The following GULP1 variants were observed in gnomAD, a reference collection of about 807,000 sequenced individuals.
GULP1 encodes GULP PTB domain containing engulfment adaptor 1.
Under a neutral mutation model 40.9 loss-of-function variants are expected in GULP1, and 19 were observed. That is an observed-to-expected ratio of 0.46 (90% CI 0.32 to 0.68). The LOEUF (loss-of-function observed/expected upper bound fraction) is 0.68, where lower values mean the gene tolerates loss of function less well. GULP1 is among the 30% of genes least tolerant of loss of function. GULP1 has a pLI of 0.03. For missense variants in GULP1, 312 were observed against 362.2 expected (o/e 0.86, Z 1.12); for synonymous variants, 119 against 117.6 (o/e 1.01, Z -0.08).
chr2:188,544,528 A>ATT (rs1234122231), intron 7 of GULP1, among the ~76,000 whole-genome samples: 1 of 151,486 alleles, frequency 6.6e-6, no homozygotes, highest in African/African-American at 2.4e-5. Context: ...CCTAAAACTT[A>ATT]AAGTATTATT....
intron 1 of GULP1, among the ~76,000 whole-genome samples, chr2:188,299,380 A>G (rs950820311): frequency 6.6e-5 from 10 of 152,168 alleles, no homozygotes; most frequent in African/African-American, 2.4e-4. Context: ...ATATACTAAC[A>G]TATTGGTTCT....
At chr2:188,473,155 T>TTC (rs147222438) in intron 2 of GULP1, among the ~76,000 whole-genome samples, 3,341 of 120,874 alleles carry the variant, frequency 0.028, 51 homozygotes, top group Middle Eastern at 0.051. Context: ...GGGTCTCTCT[T>TTC]TCTCTCTCTC....
intron 2 of GULP1, among the ~76,000 whole-genome samples, chr2:188,429,969 A>C (rs1320820742): frequency 1.3e-5 from 2 of 152,260 alleles, no homozygotes; most frequent in African/African-American, 4.8e-5. Flanking sequence ...TCGGCCTCCC[A>C]AAGTGCTGGG....
At chr2:188,452,085 T>C (rs1043721811) in intron 2 of GULP1, among the ~76,000 whole-genome samples, 1 of 152,210 alleles carries the variant, frequency 6.6e-6, no homozygotes, top group Non-Finnish European at 1.5e-5. Context: ...TATTTTCTAA[T>C]ATGCAGACTT....
intron 1 of GULP1, among the ~76,000 whole-genome samples, chr2:188,370,432 C>T (rs58966470): frequency 0.2 from 30,767 of 152,042 alleles, 3,312 homozygotes; most frequent in African/African-American, 0.26. Flanking sequence ...CATAACTATT[C>T]CTCACTGAGT....
At chr2:188,341,062 A>G (rs2042903668) in intron 1 of GULP1, among the ~76,000 whole-genome samples, 2 of 152,078 alleles carry the variant, frequency 1.3e-5, no homozygotes, top group Admixed American at 6.5e-5. Flanking sequence ...CAGCTTTTGA[A>G]TGGGAAAACA....
At chr2:188,382,550 A>C (rs989874674) in intron 1 of GULP1, among the ~76,000 whole-genome samples, 1 of 152,190 alleles carries the variant, frequency 6.6e-6, no homozygotes, top group Admixed American at 6.5e-5. Flanking sequence ...GGGGCAACCT[A>C]AACTGAGATT....
At chr2:188,496,304 G>A (rs1351713585) in intron 4 of GULP1, among the ~76,000 whole-genome samples, 2 of 151,922 alleles carry the variant, frequency 1.3e-5, no homozygotes, top group African/African-American at 4.8e-5. Context: ...TTATTTCCAA[G>A]AAATGCCACA....
intron 11 of GULP1, chr2:188,592,312 T>A (rs1237707551): frequency 6.6e-6 from 1 of 152,048 alleles, no homozygotes; most frequent in Non-Finnish European, 1.5e-5. Flanking sequence ...ATCATCTATT[T>A]ACCATTTGTA....
chr2:188,322,573 C>T (rs12995727), intron 1 of GULP1, among the ~76,000 whole-genome samples: 23,050 of 152,016 alleles, frequency 0.15, 1,903 homozygotes, highest in African/African-American at 0.17. Context: ...GTATTTCTGT[C>T]GCTATTTCTC....
At chr2:188,589,051 C>T (rs779921108) in intron 11 of GULP1, 1 of 151,876 alleles carries the variant, frequency 6.6e-6, no homozygotes, top group African/African-American at 2.4e-5. Flanking sequence ...ATTCTTAATC[C>T]CCTTTTACAT....
chr2:188,538,995 A>T (rs1477138695), intron 6 of GULP1, among the ~76,000 whole-genome samples: 3 of 150,790 alleles, frequency 2.0e-5, no homozygotes, highest in Non-Finnish European at 3.0e-5. Context: ...TAGAATCTTT[A>T]TTTTTTTTTC....
chr2:188,396,311 G>A (rs1231499866), intron 2 of GULP1, among the ~76,000 whole-genome samples: 1 of 152,228 alleles, frequency 6.6e-6, no homozygotes, highest in Non-Finnish European at 1.5e-5. Flanking sequence ...AAAGATCCGA[G>A]CTGTGGTTCC....
chr2:188,519,986 A>T (rs2065578184), intron 4 of GULP1, among the ~76,000 whole-genome samples: 2 of 152,182 alleles, frequency 1.3e-5, no homozygotes, highest in Non-Finnish European at 2.9e-5. Flanking sequence ...TGATTCTGTC[A>T]TTCAATCAAG....
chr2:188,532,835 C>A (rs1575835058), intron 6 of GULP1, among the ~76,000 whole-genome samples: 1 of 151,332 alleles, frequency 6.6e-6, no homozygotes, highest in African/African-American at 2.4e-5. Context: ...GCAGGAGAAT[C>A]GCTTGAACCC....
intron 4 of GULP1, among the ~76,000 whole-genome samples, chr2:188,500,970 T>A (rs1269532891): frequency 1.3e-5 from 2 of 151,892 alleles, no homozygotes; most frequent in African/African-American, 2.4e-5. Context: ...CTGCTTAAAA[T>A]TTGTCAGGCA....
At chr2:188,548,874 A>G (rs1171328461) in intron 7 of GULP1, among the ~76,000 whole-genome samples, 1 of 140,480 alleles carries the variant, frequency 7.1e-6, no homozygotes, top group Non-Finnish European at 1.6e-5. Flanking sequence ...TTTTGTTTTC[A>G]GACAGTGCTG....
At chr2:188,477,309 A>G (rs2061092979) in intron 2 of GULP1, among the ~76,000 whole-genome samples, 1 of 152,150 alleles carries the variant, frequency 6.6e-6, no homozygotes, top group Non-Finnish European at 1.5e-5. Context: ...GTAAATAAAA[A>G]GTAAAGTGTT....
intron 1 of GULP1, among the ~76,000 whole-genome samples, chr2:188,303,849 A>T (rs1490098823): frequency 6.6e-6 from 1 of 152,172 alleles, no homozygotes; most frequent in African/African-American, 2.4e-5. Flanking sequence ...CATTCATGGC[A>T]ACTAAGGAAG....
Sources: allele counts gnomAD v4.1 joint callset (sites outside exome capture counted in the v4.1 genomes callset), GRCh38; gene constraint gnomAD v4.1.1; transcripts MANE v1.5; gene names NCBI Gene and HGNC (gene_info 2026-07-23, HGNC 2026-07-21).